Variants in POU6F2 observed in about 807,000 individuals in gnomAD.
The protein encoded by POU6F2 is POU domain, class 6, transcription factor 2.
In POU6F2, 31 loss-of-function variants were observed where a neutral mutation model predicts 71.3. That is an observed-to-expected ratio of 0.43 (90% confidence interval 0.33 to 0.59). The LOEUF is 0.59. POU6F2 is among the 20% of genes least tolerant of loss of function. The pLI, the probability that POU6F2 is intolerant of heterozygous loss-of-function variation, is 0.04. For missense variants in POU6F2, 783 were observed against 856.8 expected, an observed-to-expected ratio of 0.91 and a Z score of 1.07; for synonymous variants, 347 against 355.7, an observed-to-expected ratio of 0.98 and a Z score of 0.27.
At position 39,454,692 on chromosome 7, in the gene POU6F2, AT is replaced by A. The variant is rs1788750148; in HGVS notation, c.1489+2992del. Among the ~76,000 whole-genome samples the A allele has an allele frequency of 4.1e-4, 20 of 49,038 alleles. 1 individual carries two copies. Among genetic ancestry groups the A allele is most frequent in the African/African-American group, 1.2e-3 (13 of 10,682 alleles). The allele number at this position is 49,038 out of a possible 152,430, so 32.2% of individuals were successfully genotyped here. ...TATATATATATATATATATATATAT[AT>A]ATATATATATATATATATATATATA... On this transcript the variant is annotated intron_variant, in intron 8 of 9. Coordinates refer to ENST00000518318, the MANE Select transcript of POU6F2 (RefSeq NM_001370959.1).
intron 2 of POU6F2, among the ~76,000 whole-genome samples, chr7:39,181,948 A>G (rs1017657498): frequency 1.3e-5 from 2 of 152,202 alleles, no homozygotes; most frequent in Non-Finnish European, 2.9e-5. Context: ...CTTCTTACAT[A>G]TATTTTTAAC....
chr7:39,006,871 T>C, intron 1 of POU6F2: 2 of 1,613,312 alleles, frequency 1.2e-6, no homozygotes, highest in Non-Finnish European at 1.7e-6. Context: ...TCTTCAGGTA[T>C]TTTGTTGATT....
At chr7:39,257,816 G>A (rs1184488048) in intron 4 of POU6F2, among the ~76,000 whole-genome samples, 1 of 150,386 alleles carries the variant, frequency 6.6e-6, no homozygotes, top group Non-Finnish European at 1.5e-5. Flanking sequence ...TTGAGGCAGG[G>A]TACACACGGG....
intron 2 of POU6F2, among the ~76,000 whole-genome samples, chr7:39,088,764 T>C (rs1007552155): frequency 2.0e-5 from 3 of 152,204 alleles, no homozygotes; most frequent in Non-Finnish European, 4.4e-5. Context: ...TTTTTTATTG[T>C]ACCTGAAATT....
intron 4 of POU6F2, among the ~76,000 whole-genome samples, chr7:39,242,219 A>G (rs1480504557): frequency 6.6e-6 from 1 of 152,076 alleles, no homozygotes; most frequent in African/African-American, 2.4e-5. Flanking sequence ...TATTTTGGGT[A>G]AATACTTAGG....
intron 2 of POU6F2, among the ~76,000 whole-genome samples, chr7:39,153,337 G>T (rs1792798832): frequency 1.3e-5 from 2 of 152,108 alleles, no homozygotes; most frequent in Non-Finnish European, 2.9e-5. Flanking sequence ...AACAAGCTGG[G>T]ATTGATGTGA....
At chr7:39,263,228 T>G (rs560237025) in intron 4 of POU6F2, among the ~76,000 whole-genome samples, 30 of 152,372 alleles carry the variant, frequency 2.0e-4, no homozygotes, top group African/African-American at 7.2e-4. Context: ...CTTTTTTCTC[T>G]TTTCAGTATT....
At chr7:39,366,209 C>G (rs918059375) in intron 5 of POU6F2, among the ~76,000 whole-genome samples, 2 of 152,112 alleles carry the variant, frequency 1.3e-5, no homozygotes, top group Non-Finnish European at 2.9e-5. Flanking sequence ...AATACTTGTA[C>G]CTGAGACAAG....
At chr7:39,013,213 C>T (rs930234614) in intron 1 of POU6F2, 10 of 154,316 alleles carry the variant, frequency 6.5e-5, no homozygotes, top group South Asian at 4.1e-4. Context: ...GAGCCAGGTG[C>T]GGGATATAAT....
chr7:39,127,989 C>T (rs2128728888), intron 2 of POU6F2, among the ~76,000 whole-genome samples: 1 of 151,884 alleles, frequency 6.6e-6, no homozygotes, highest in East Asian at 1.9e-4. Context: ...ACCACAGGTG[C>T]CCACCACCAC....
At chr7:39,016,777 C>T (rs1045312556) in intron 1 of POU6F2, among the ~76,000 whole-genome samples, 1 of 151,982 alleles carries the variant, frequency 6.6e-6, no homozygotes, top group Admixed American at 6.6e-5. Context: ...CGGCGTTAAG[C>T]GTGCTCTCTG....
intron 1 of POU6F2, among the ~76,000 whole-genome samples, chr7:39,069,995 CAG>C (rs1287925496): frequency 6.6e-6 from 1 of 152,040 alleles, no homozygotes; most frequent in Non-Finnish European, 1.5e-5. Context: ...GGAGCTAGTC[CAG>C]AGTCAGGAAG....
intron 1 of POU6F2, among the ~76,000 whole-genome samples, chr7:38,982,467 G>A (rs1012204517): frequency 6.6e-6 from 1 of 152,028 alleles, no homozygotes; most frequent in African/African-American, 2.4e-5. Flanking sequence ...ACTATGTATT[G>A]TTTATTGACC....
intron 1 of POU6F2, among the ~76,000 whole-genome samples, chr7:39,047,776 G>T (rs916354323): frequency 2.0e-5 from 3 of 151,816 alleles, no homozygotes; most frequent in Non-Finnish European, 2.9e-5. Flanking sequence ...GTGGAATTTT[G>T]TCAACTGCCT....
At chr7:39,294,963 G>A (rs1784820539) in intron 4 of POU6F2, among the ~76,000 whole-genome samples, 1 of 152,086 alleles carries the variant, frequency 6.6e-6, no homozygotes, top group Non-Finnish European at 1.5e-5. Flanking sequence ...GGGTCCTGGG[G>A]GAATGATCAT....
At chr7:39,427,028 C>A (rs17712902) in intron 6 of POU6F2, among the ~76,000 whole-genome samples, 28 of 152,276 alleles carry the variant, frequency 1.8e-4, no homozygotes, top group African/African-American at 6.5e-4. Flanking sequence ...TCATGGTAAA[C>A]AATTTCCACT....
At chr7:39,144,781 T>C (rs1792581049) in intron 2 of POU6F2, among the ~76,000 whole-genome samples, 1 of 152,230 alleles carries the variant, frequency 6.6e-6, no homozygotes, top group African/African-American at 2.4e-5. Context: ...TTATAGCAAA[T>C]CCTTTAGAAT....
intron 2 of POU6F2, among the ~76,000 whole-genome samples, chr7:39,140,124 A>G (rs796888178): frequency 6.6e-6 from 1 of 152,296 alleles, no homozygotes; most frequent in Non-Finnish European, 1.5e-5. Context: ...ATCAAATGGG[A>G]TGGGAAAGAG....
At chr7:39,395,039 A>ATTGC (rs1787145858) in intron 5 of POU6F2, among the ~76,000 whole-genome samples, 1 of 151,980 alleles carries the variant, frequency 6.6e-6, no homozygotes, top group Non-Finnish European at 1.5e-5. Flanking sequence ...TGATTGCCCT[A>ATTGC]TTGCTCCCAG....
Sources: gnomAD v4.1 joint callset for allele counts (sites outside exome capture counted in the v4.1 genomes callset) on GRCh38, gnomAD v4.1.1 for gene constraint, MANE v1.5 for transcripts, NCBI Gene and HGNC (gene_info 2026-07-23, HGNC 2026-07-21) for gene names.